Variants in EDDM13 observed in about 807,000 individuals in gnomAD.
EDDM13 encodes the protein epididymal protein 13.
In EDDM13, 24 loss-of-function variants were observed where a neutral mutation model predicts 17.8. The observed-to-expected ratio is 1.35, with a 90% CI of 0.98 to 1.90. The LOEUF (loss-of-function observed/expected upper bound fraction) is 1.90. Among genes scored for constraint, EDDM13 ranks in the 40% most tolerant of loss-of-function variants. EDDM13 has a pLI of 0.00. For missense variants in EDDM13, 97 were observed against 100.8 expected (o/e 0.96, Z 0.16); for synonymous variants, 31 against 37.5 (o/e 0.83, Z 0.63).
intron 12 of EDDM13, among the ~76,000 whole-genome samples, chr19:56,299,108 A>T (rs1195139523): frequency 6.6e-6 from 1 of 152,160 alleles, no homozygotes; most frequent in Admixed American, 6.5e-5. Context: ...GATACAGAAA[A>T]AGAATATGGT....
intron 14 of EDDM13, among the ~76,000 whole-genome samples, chr19:56,309,776 G>A (rs967254899): frequency 1.3e-5 from 2 of 152,218 alleles, no homozygotes; most frequent in Non-Finnish European, 2.9e-5. Context: ...GCTCAGGCCC[G>A]GCGCCGGGAC....
intron 14 of EDDM13, 30 bp from the exon 15 acceptor site, chr19:56,310,094 G>A (rs965543750): frequency 3.3e-5 from 5 of 152,338 alleles, no homozygotes; most frequent in African/African-American, 1.2e-4. Flanking sequence ...GAAAATCAAT[G>A]CACAAATACA....
chr19:56,297,464 C>T (rs1056244122), intron 11 of EDDM13, 41 bp from the exon 12 acceptor site: 7 of 932,862 alleles, frequency 7.5e-6, no homozygotes, highest in East Asian at 1.2e-4. Context: ...CTTCCTCCTT[C>T]TCTTCCTGCT....
chr19:56,302,096 G>T lies in EDDM13; in HGVS notation c.423+1G>T. 4 of 1,231,890 alleles carry T rather than the reference G, an allele frequency of 3.2e-6. No homozygotes were observed. The South Asian group carries it at 1.6e-4, about 51-fold the overall frequency. 76.3% of individuals were successfully genotyped at this position (1,231,890 alleles called of 1,614,324 possible). The stretch of plus-strand genomic sequence containing the variant: ...CGTATCCTACAACAAAGGGGACTGG[G>T]TAAGAAGAAGGCAGCACGGAGGGGA... On this transcript the variant is annotated splice_donor_variant, in intron 13 of 14. Transcript: ENST00000649256. LOFTEE classifies it high-confidence loss of function.
chr19:56,296,832 G>C (rs1008320514), intron 11 of EDDM13, among the ~76,000 whole-genome samples: 1 of 152,118 alleles, frequency 6.6e-6, no homozygotes, highest in African/African-American at 2.4e-5. Flanking sequence ...TCAGAAGTTC[G>C]AGACCAGCCT....
chr19:56,289,476 G>A (rs564954781), intron 8 of EDDM13, among the ~76,000 whole-genome samples: 9 of 152,254 alleles, frequency 5.9e-5, no homozygotes, highest in African/African-American at 1.9e-4. Context: ...CGGGTAAGAC[G>A]GAGAGAGACC....
At chr19:56,292,054 G>A (rs2147162513) in intron 9 of EDDM13, among the ~76,000 whole-genome samples, 1 of 152,254 alleles carries the variant, frequency 6.6e-6, no homozygotes, top group Non-Finnish European at 1.5e-5. Context: ...CATCCCAGTG[G>A]TGACGGTGGG....
chr19:56,288,152 GC>G (rs1412961718), intron 6 of EDDM13, among the ~76,000 whole-genome samples: 1 of 152,166 alleles, frequency 6.6e-6, no homozygotes, highest in Non-Finnish European at 1.5e-5. Flanking sequence ...GAAGGCTGAG[GC>G]CCTTAAGCTG....
chr19:56,284,106 GCTTCGT>G lies in EDDM13; in HGVS notation c.119-88_119-83del. The G allele has an allele frequency of 3.1e-6, 3 of 965,586 alleles. No individual in the cohort carries two copies. In the South Asian group the frequency reaches 1.4e-4, roughly 46 times the overall value. The allele number at this position is 965,586 out of a possible 1,614,324, so 59.8% of individuals were successfully genotyped here. A position where few individuals can be genotyped will look rare whatever the true frequency, so the allele number is the denominator to read the frequency against. ...CCTCGTTTTTGGTTTTCTAATTATG[GCTTCGT>G]CTTTGTGACCTCTTGGGGACAACAT... On this transcript the variant is annotated intron_variant, in intron 4 of 14. Transcript: ENST00000649256.
intron 4 of EDDM13, chr19:56,283,372 A>G (rs952808899): frequency 3.3e-5 from 5 of 152,142 alleles, no homozygotes; most frequent in African/African-American, 1.2e-4. Context: ...CTTTATTGAC[A>G]CAGATCCAAA....
At chr19:56,301,793 T>C (rs916992759) in intron 12 of EDDM13, 175 bp from the exon 13 acceptor site, 9 of 578,218 alleles carry the variant, frequency 1.6e-5, no homozygotes, top group South Asian at 9.4e-5. Flanking sequence ...TGGAGTATGG[T>C]GGTAACCAAG....
At chr19:56,305,463 A>G (rs956508570) in intron 14 of EDDM13, among the ~76,000 whole-genome samples, 5 of 152,176 alleles carry the variant, frequency 3.3e-5, no homozygotes, top group African/African-American at 1.2e-4. Context: ...GACATAGCAC[A>G]CTTTGTTTAT....
intron 6 of EDDM13, among the ~76,000 whole-genome samples, chr19:56,286,226 T>C (rs1315389782): frequency 6.6e-6 from 1 of 151,046 alleles, no homozygotes; most frequent in Admixed American, 6.6e-5. Flanking sequence ...TTCACCATGT[T>C]GGCCAGGCTG....
At chr19:56,298,637 G>C (rs2040034318) in intron 12 of EDDM13, among the ~76,000 whole-genome samples, 2 of 135,436 alleles carry the variant, frequency 1.5e-5, no homozygotes, top group South Asian at 4.8e-4. Flanking sequence ...TGGCAACAGA[G>C]CAAGACTCCA....
At chr19:56,303,349 AT>A (rs535291184) in intron 13 of EDDM13, among the ~76,000 whole-genome samples, 17 of 152,082 alleles carry the variant, frequency 1.1e-4, no homozygotes, top group African/African-American at 4.1e-4. Flanking sequence ...ATGGTGGCGC[AT>A]GCCTGTAATC....
intron 9 of EDDM13, among the ~76,000 whole-genome samples, chr19:56,292,369 C>A (rs770466184): frequency 6.6e-6 from 1 of 152,094 alleles, no homozygotes; most frequent in Non-Finnish European, 1.5e-5. Context: ...CTCAAGCGAT[C>A]CTTCTTTCTT....
chr19:56,280,139 A>G (rs2038578200), intron 2 of EDDM13, among the ~76,000 whole-genome samples: 1 of 152,188 alleles, frequency 6.6e-6, no homozygotes. Flanking sequence ...GTGTATTTAT[A>G]TATTCAAAGT....
chr19:56,281,882 G>A (rs2038737695), intron 3 of EDDM13, among the ~76,000 whole-genome samples, 184 bp downstream of exon 3: 1 of 152,182 alleles, frequency 6.6e-6, no homozygotes, highest in African/African-American at 2.4e-5. Flanking sequence ...GGTGGGAACG[G>A]TGCAACTGGA....
intron 14 of EDDM13, among the ~76,000 whole-genome samples, chr19:56,309,220 T>C (rs1419575093): frequency 6.6e-6 from 1 of 152,202 alleles, no homozygotes; most frequent in Non-Finnish European, 1.5e-5. Context: ...CAGTAGATGA[T>C]GCCATGTATA....
Sources: gnomAD v4.1 joint callset for allele counts (sites outside exome capture counted in the v4.1 genomes callset) on GRCh38, gnomAD v4.1.1 for gene constraint, MANE v1.5 for transcripts, NCBI Gene and HGNC (gene_info 2026-07-23, HGNC 2026-07-21) for gene names.